GPC6: variants seen among roughly 807,000 people sequenced by gnomAD.
GPC6 encodes the protein glypican-6.
In GPC6, 14 loss-of-function variants were observed where a neutral mutation model predicts 55.2. The observed-to-expected ratio is 0.25, with a 90% confidence interval of 0.17 to 0.40. The LOEUF is 0.40. GPC6 is among the 10% of genes least tolerant of loss of function. The pLI, the probability that GPC6 is intolerant of heterozygous loss-of-function variation, is 1.00. For synonymous variants in GPC6, 278 were observed against 259.6 expected, an observed-to-expected ratio of 1.07 and a Z score of -0.68; for missense variants, 641 against 708.5, an observed-to-expected ratio of 0.90 and a Z score of 1.08.
At chr13:93,313,409 C>A (rs565655415) in intron 1 of GPC6, among the ~76,000 whole-genome samples, 1 of 152,146 alleles carries the variant, frequency 6.6e-6, no homozygotes, top group East Asian at 1.9e-4. Context: ...AGTTTTTCAA[C>A]TGTTAGTTGG....
At chr13:93,483,529 C>T (rs999650972) in intron 1 of GPC6, among the ~76,000 whole-genome samples, 7 of 152,160 alleles carry the variant, frequency 4.6e-5, no homozygotes, top group African/African-American at 1.7e-4. Flanking sequence ...ATCTAAGATA[C>T]TTTTAATAAT....
intron 3 of GPC6, among the ~76,000 whole-genome samples, chr13:93,848,670 G>A (rs1888285984): frequency 6.6e-6 from 1 of 152,054 alleles, no homozygotes; most frequent in African/African-American, 2.4e-5. Context: ...ACCCTCAAGA[G>A]GTTGACAAGT....
chr13:93,372,533 A>G (rs1874709874), intron 1 of GPC6, among the ~76,000 whole-genome samples: 1 of 152,198 alleles, frequency 6.6e-6, no homozygotes, highest in Non-Finnish European at 1.5e-5. Flanking sequence ...AATGAGAGTT[A>G]TGGGGTAGAT....
chr13:94,334,560 C>T (rs1365232718), intron 6 of GPC6, among the ~76,000 whole-genome samples: 1 of 152,244 alleles, frequency 6.6e-6, no homozygotes, highest in Non-Finnish European at 1.5e-5. Flanking sequence ...ACAGCATCAG[C>T]ATTCCCTGGC....
intron 3 of GPC6, among the ~76,000 whole-genome samples, chr13:93,839,211 T>C (rs2138994752): frequency 6.6e-6 from 1 of 152,308 alleles, no homozygotes; most frequent in East Asian, 1.9e-4. Flanking sequence ...AGTTAACTTA[T>C]CTTCCCCTAC....
intron 1 of GPC6, among the ~76,000 whole-genome samples, chr13:93,272,636 T>C (rs762184344): frequency 1.3e-5 from 2 of 152,026 alleles, no homozygotes; most frequent in Non-Finnish European, 2.9e-5. Context: ...TCATGTAAGA[T>C]ATCAGAGTGG....
chr13:93,538,971 C>T (rs1882176233), intron 1 of GPC6, among the ~76,000 whole-genome samples: 1 of 150,504 alleles, frequency 6.6e-6, no homozygotes, highest in Non-Finnish European at 1.5e-5. Context: ...GGTACATGTG[C>T]ACATTGTTCA....
At chr13:93,637,497 T>A (rs1351982921) in intron 2 of GPC6, among the ~76,000 whole-genome samples, 1 of 152,134 alleles carries the variant, frequency 6.6e-6, no homozygotes, top group Non-Finnish European at 1.5e-5. Flanking sequence ...TTTCTTTTCT[T>A]TTATACTTCT....
intron 2 of GPC6, among the ~76,000 whole-genome samples, chr13:93,708,980 A>T (rs550147101): frequency 1.3e-5 from 2 of 151,830 alleles, no homozygotes; most frequent in East Asian, 3.9e-4. Flanking sequence ...CAACTTTCTG[A>T]CTCCAAGGTA....
chr13:93,723,250 A>T (rs543108174), intron 2 of GPC6, among the ~76,000 whole-genome samples: 1 of 151,958 alleles, frequency 6.6e-6, no homozygotes, highest in Non-Finnish European at 1.5e-5. Context: ...ACATATTTGC[A>T]GAAAGCCAGC....
At chr13:93,560,987 C>T (rs1308912557) in intron 2 of GPC6, among the ~76,000 whole-genome samples, 1 of 152,068 alleles carries the variant, frequency 6.6e-6, no homozygotes, top group South Asian at 2.1e-4. Flanking sequence ...AGAAAAATAA[C>T]ATTGTTGTGA....
intron 1 of GPC6, among the ~76,000 whole-genome samples, chr13:93,521,256 C>T (rs938908053): frequency 2.6e-5 from 4 of 151,788 alleles, no homozygotes; most frequent in African/African-American, 9.7e-5. Context: ...AAGAGAGATA[C>T]AGAAGTCTAA....
At chr13:94,168,487 G>A (rs762941720) in intron 4 of GPC6, among the ~76,000 whole-genome samples, 11 of 152,026 alleles carry the variant, frequency 7.2e-5, no homozygotes, top group Non-Finnish European at 1.0e-4. Flanking sequence ...CTTCCAAGTA[G>A]TGCTAAGTTC....
intron 2 of GPC6, among the ~76,000 whole-genome samples, chr13:93,745,094 C>T (rs571251025): frequency 2.0e-3 from 297 of 152,222 alleles, no homozygotes; most frequent in African/African-American, 6.9e-3. Flanking sequence ...GTGAGTCCTC[C>T]ATTTACATGC....
At chr13:94,119,687 G>T (rs1382552268) in intron 4 of GPC6, among the ~76,000 whole-genome samples, 2 of 152,126 alleles carry the variant, frequency 1.3e-5, no homozygotes, top group African/African-American at 2.4e-5. Flanking sequence ...CACCAGTGTG[G>T]CTTGAGTAGA....
intron 1 of GPC6, among the ~76,000 whole-genome samples, chr13:93,283,538 C>CCCAAACA (rs1365152512): frequency 6.6e-6 from 1 of 152,108 alleles, no homozygotes; most frequent in East Asian, 1.9e-4. Context: ...CACCCAAACA[C>CCCAAACA]AGTGGATTTG....
intron 4 of GPC6, among the ~76,000 whole-genome samples, chr13:94,032,649 A>AAC (rs1443519560): frequency 6.6e-6 from 1 of 152,186 alleles, no homozygotes; most frequent in African/African-American, 2.4e-5. Flanking sequence ...TTCATCAGCA[A>AAC]AAAGTTGAGT....
chr13:93,401,689 CTTTTTTTT>C (rs4001853), intron 1 of GPC6, among the ~76,000 whole-genome samples: 1 of 64,506 alleles, frequency 1.6e-5, no homozygotes, highest in Non-Finnish European at 3.3e-5. Flanking sequence ...CATGAATGGA[CTTTTTTTT>C]TTTTTTTTTT....
At chr13:94,310,418 G>C (rs1401418268) in intron 6 of GPC6, among the ~76,000 whole-genome samples, 1 of 152,138 alleles carries the variant, frequency 6.6e-6, no homozygotes, top group Non-Finnish European at 1.5e-5. Flanking sequence ...AGGGAATTTG[G>C]GGTGGGGATG....
Sources: allele counts gnomAD v4.1 joint callset (sites outside exome capture counted in the v4.1 genomes callset), GRCh38; gene constraint gnomAD v4.1.1; transcripts MANE v1.5; gene names NCBI Gene and HGNC (gene_info 2026-07-23, HGNC 2026-07-21).